The following GPR39 variants were observed in gnomAD, a reference collection of about 807,000 sequenced individuals.
The protein encoded by GPR39 is zinc sensing receptor.
In GPR39, 23 loss-of-function variants were observed where a neutral mutation model predicts 18.4. That is an observed-to-expected ratio of 1.25 (90% confidence interval 0.90 to 1.77). The LOEUF (loss-of-function observed/expected upper bound fraction) is 1.77, where lower values mean the gene tolerates loss of function less well. Among genes scored for constraint, GPR39 ranks in the 40% most tolerant of loss-of-function variants. The pLI is 0.00. For synonymous variants in GPR39, 280 were observed against 257.9 expected (o/e 1.09, Z -0.82); for missense variants, 647 against 602.4 (o/e 1.07, Z -0.78).
At chr2:132,466,599 A>T (rs1680931044) in intron 1 of GPR39, among the ~76,000 whole-genome samples, 1 of 152,218 alleles carries the variant, frequency 6.6e-6, no homozygotes, top group South Asian at 2.1e-4. Flanking sequence ...AGAGGGCAGC[A>T]TAACCCCCAG....
chr2:132,504,078 G>A (rs949546147), intron 1 of GPR39, among the ~76,000 whole-genome samples: 5 of 152,148 alleles, frequency 3.3e-5, no homozygotes, highest in Non-Finnish European at 7.4e-5. Context: ...GAGCCTGCAG[G>A]GGTAATCCAG....
intron 1 of GPR39, among the ~76,000 whole-genome samples, chr2:132,535,321 A>T (rs1361809200): frequency 6.6e-6 from 1 of 152,156 alleles, no homozygotes; most frequent in Non-Finnish European, 1.5e-5. Flanking sequence ...TGTTGGGATA[A>T]TCATGTGGTT....
intron 1 of GPR39, among the ~76,000 whole-genome samples, chr2:132,582,352 G>T (rs562738153): frequency 7.9e-5 from 12 of 152,336 alleles, no homozygotes; most frequent in Non-Finnish European, 1.5e-4. Context: ...ATGATTACAT[G>T]GGGGAAGGAC....
chr2:132,451,147 C>CTGTGTGTGTGTGTGTG (rs34508615), intron 1 of GPR39, among the ~76,000 whole-genome samples: 3 of 105,984 alleles, frequency 2.8e-5, no homozygotes, highest in African/African-American at 8.4e-5. Flanking sequence ...ATCTTTGAGG[C>CTGTGTGTGTGTGTGTG]TGTGTGTGTG....
At chr2:132,499,907 G>T (rs1431299528) in intron 1 of GPR39, among the ~76,000 whole-genome samples, 1 of 152,124 alleles carries the variant, frequency 6.6e-6, no homozygotes, top group Non-Finnish European at 1.5e-5. Flanking sequence ...GTACAGCAGA[G>T]CTACTGATTT....
At chr2:132,459,731 C>A (rs1355456462) in intron 1 of GPR39, among the ~76,000 whole-genome samples, 2 of 152,170 alleles carry the variant, frequency 1.3e-5, no homozygotes, top group Admixed American at 6.5e-5. Flanking sequence ...TTATATTTGA[C>A]ACATACTCAG....
intron 1 of GPR39, among the ~76,000 whole-genome samples, chr2:132,461,371 C>A (rs1392932519): frequency 6.6e-6 from 1 of 152,122 alleles, no homozygotes; most frequent in Non-Finnish European, 1.5e-5. Flanking sequence ...CAAGGTACTG[C>A]CATGTATACA....
intron 1 of GPR39, among the ~76,000 whole-genome samples, chr2:132,558,049 C>G (rs78645822): frequency 0.011 from 1,677 of 152,168 alleles, 34 homozygotes; most frequent in African/African-American, 0.039. Context: ...CCTTTTAGGG[C>G]TTCTTTTTTG....
intron 1 of GPR39, among the ~76,000 whole-genome samples, chr2:132,598,510 C>G (rs1048265587): frequency 7.0e-6 from 1 of 142,896 alleles, no homozygotes; most frequent in African/African-American, 2.6e-5. Context: ...TAATGCTACT[C>G]AGGGATAAGA....
intron 1 of GPR39, among the ~76,000 whole-genome samples, chr2:132,635,032 T>C (rs774521302): frequency 6.6e-6 from 1 of 152,216 alleles, no homozygotes; most frequent in African/African-American, 2.4e-5. Flanking sequence ...TAGTTCTCCT[T>C]TAGGGCTGAG....
intron 1 of GPR39, among the ~76,000 whole-genome samples, chr2:132,605,884 G>A (rs187911058): frequency 6.6e-6 from 1 of 152,342 alleles, no homozygotes; most frequent in East Asian, 1.9e-4. Flanking sequence ...GAGATGCTGA[G>A]CTGTCGTTTT....
intron 1 of GPR39, among the ~76,000 whole-genome samples, chr2:132,635,060 G>A (rs10208154): frequency 0.38 from 58,445 of 152,000 alleles, 12,675 homozygotes; most frequent in Non-Finnish European, 0.49. Flanking sequence ...GTCTTGTTTG[G>A]ATGAGAAAGT....
intron 1 of GPR39, among the ~76,000 whole-genome samples, chr2:132,484,642 T>C (rs951134710): frequency 2.0e-4 from 31 of 152,308 alleles, no homozygotes; most frequent in Admixed American, 7.2e-4. Context: ...AAGAATAAAG[T>C]AGGAATAAGC....
intron 1 of GPR39, among the ~76,000 whole-genome samples, chr2:132,547,468 A>G (rs1380388770): frequency 6.6e-6 from 1 of 152,182 alleles, no homozygotes; most frequent in Admixed American, 6.5e-5. Flanking sequence ...ATTTTTCTCA[A>G]TATACTGAGA....
At chr2:132,623,862 T>C (rs967793520) in intron 1 of GPR39, among the ~76,000 whole-genome samples, 3 of 152,114 alleles carry the variant, frequency 2.0e-5, no homozygotes, top group Non-Finnish European at 2.9e-5. Context: ...GATTTTGGAA[T>C]GATGGGAAAG....
At chr2:132,481,128 T>C (rs1043726801) in intron 1 of GPR39, among the ~76,000 whole-genome samples, 1 of 152,204 alleles carries the variant, frequency 6.6e-6, no homozygotes. Context: ...GCCCTTACCT[T>C]TTTAGTGTGG....
intron 1 of GPR39, among the ~76,000 whole-genome samples, chr2:132,626,824 A>C (rs1681552960): frequency 6.6e-6 from 1 of 152,236 alleles, no homozygotes; most frequent in Non-Finnish European, 1.5e-5. Context: ...AAGTAAGTGA[A>C]AACCATATTC....
At position 132,632,918 on chromosome 2, in the gene GPR39, C is replaced by G. The variant is rs530927102; in HGVS notation, c.857-12183C>G. Among the ~76,000 whole-genome samples, 8 of 152,190 alleles carry G rather than the reference C, an allele frequency of 5.3e-5. No individual in the cohort carries two copies. In the South Asian group the frequency reaches 1.5e-3, roughly 28 times the overall value. Reference sequence around the variant, plus strand: ...AATGAGGTGGATACTATTATTTTATCAGTTTCACAGAGATATAGGTCCATG... The same window carrying G: ...AATGAGGTGGATACTATTATTTTATGAGTTTCACAGAGATATAGGTCCATG... On this transcript the variant is annotated intron_variant, in intron 1 of 1. Transcript: ENST00000329321.
At chr2:132,569,475 C>T (rs901632926) in intron 1 of GPR39, among the ~76,000 whole-genome samples, 2 of 152,012 alleles carry the variant, frequency 1.3e-5, no homozygotes, top group African/African-American at 4.8e-5. Flanking sequence ...GGGACCACAC[C>T]TCCCTTAAGG....
Sources: gnomAD v4.1 joint callset for allele counts (sites outside exome capture counted in the v4.1 genomes callset) on GRCh38, gnomAD v4.1.1 for gene constraint, MANE v1.5 for transcripts, NCBI Gene and HGNC (gene_info 2026-07-23, HGNC 2026-07-21) for gene names.